FXYD6: variants seen among roughly 807,000 people sequenced by gnomAD.
FXYD6 encodes FXYD domain containing ion transport regulator 6.
Under a neutral mutation model 16.7 loss-of-function variants are expected in FXYD6, and 7 were observed. The observed-to-expected ratio is 0.42, with a 90% CI of 0.24 to 0.79. FXYD6 has a LOEUF of 0.79. Ranked by LOEUF, FXYD6 falls within the 30% of genes least tolerant of loss-of-function variation. The pLI is 0.28. For synonymous variants in FXYD6, 49 were observed against 43.0 expected, an observed-to-expected ratio of 1.14 and a Z score of -0.54; for missense variants, 111 against 116.2, an observed-to-expected ratio of 0.95 and a Z score of 0.21.
At chr11:117,838,391 G>T (rs186041256) in intron 7 of FXYD6, 114 bp from the exon 8 acceptor site, 6 of 687,602 alleles carry the variant, frequency 8.7e-6, no homozygotes, top group Non-Finnish European at 1.6e-5. Context: ...TGACAGCCTC[G>T]TCTGAGACGC....
At chr11:117,841,708 C>T in intron 4 of FXYD6, 83 bp downstream of exon 4, 1 of 1,533,526 alleles carries the variant, frequency 6.5e-7, no homozygotes. Context: ...AGGAGAGGGA[C>T]CAACCAGGCT....
chr11:117,841,444 T>C (rs2056341231), intron 4 of FXYD6: 3 of 591,834 alleles, frequency 5.1e-6, no homozygotes, highest in Non-Finnish European at 9.0e-6. Context: ...ATCAGGCTCA[T>C]GTGGGAACAA....
chr11:117,861,545 C>T (rs538837783), intron 1 of FXYD6, among the ~76,000 whole-genome samples: 57 of 152,342 alleles, frequency 3.7e-4, no homozygotes, highest in Middle Eastern at 3.4e-3. Flanking sequence ...TGAAAAGAGA[C>T]GGCCTGTGGA....
intron 1 of FXYD6, among the ~76,000 whole-genome samples, chr11:117,859,182 G>A (rs878898608): frequency 2.0e-5 from 3 of 152,144 alleles, no homozygotes; most frequent in Non-Finnish European, 4.4e-5. Context: ...CAAGACCCCC[G>A]CCCCAAGCCA....
chr11:117,868,484 A>G (rs2057058688), intron 1 of FXYD6, among the ~76,000 whole-genome samples: 1 of 152,136 alleles, frequency 6.6e-6, no homozygotes, highest in South Asian at 2.1e-4. Flanking sequence ...AATACACCTG[A>G]CCAGTGACCC....
At chr11:117,855,849 A>T (rs2056714309) in intron 1 of FXYD6, among the ~76,000 whole-genome samples, 1 of 150,758 alleles carries the variant, frequency 6.6e-6, no homozygotes, top group Admixed American at 6.6e-5. Context: ...GGAGTGGGGG[A>T]CTCCCTGGCT....
In FXYD6 at chr11:117,870,081, C is replaced by T. The variant is rs1334924924; in HGVS notation, c.-6+6511G>A. Reference sequence around the variant, plus strand: ...TGACAACCGTGACACTGTGGCATCCCAGCCATCACCCATGGACTTCTCACA... The same window carrying T: ...TGACAACCGTGACACTGTGGCATCCTAGCCATCACCCATGGACTTCTCACA... On this transcript the variant is annotated intron_variant, in intron 1 of 7. Coordinates refer to ENST00000526014, the MANE Select transcript of FXYD6 (RefSeq NM_022003.4). The surrounding 1 kb of genome is among the most constrained non-coding windows in gnomAD (Gnocchi z 4.2). 6.6e-6 allele frequency among the ~76,000 whole-genome samples: 1 copy of T among 152,240 alleles called. No individual in the cohort carries two copies. Among genetic ancestry groups the T allele is most frequent in the Admixed American group, 6.5e-5 (1 of 15,292 alleles).
intron 1 of FXYD6, among the ~76,000 whole-genome samples, chr11:117,860,618 G>A (rs1015357040): frequency 1.3e-5 from 2 of 152,220 alleles, no homozygotes; most frequent in Non-Finnish European, 2.9e-5. Flanking sequence ...TGATTAGGCC[G>A]AGGGTGAGAG....
chr11:117,857,410 A>ATT (rs66790457), intron 1 of FXYD6, among the ~76,000 whole-genome samples: 20,784 of 138,382 alleles, frequency 0.15, 1,882 homozygotes, highest in Middle Eastern at 0.27. Context: ...AAAGAAGTGG[A>ATT]TTTTTTTTTT....
At chr11:117,873,077 G>C (rs1307137413) in intron 1 of FXYD6, among the ~76,000 whole-genome samples, 1 of 152,124 alleles carries the variant, frequency 6.6e-6, no homozygotes, top group Non-Finnish European at 1.5e-5. Context: ...TGGTAGAAAA[G>C]GCCAGGTAGA....
intron 7 of FXYD6, 143 bp from the exon 8 acceptor site, chr11:117,838,420 C>A: frequency 3.0e-6 from 2 of 664,558 alleles, no homozygotes; most frequent in Admixed American, 2.1e-5. Context: ...GAGACAAAGA[C>A]ACAGGGGAGG....
chr11:117,842,363 G>C (rs528023265), intron 2 of FXYD6: 1 of 558,572 alleles, frequency 1.8e-6, no homozygotes, highest in African/African-American at 1.9e-5. Context: ...ACCAAGGAAG[G>C]ACATATGACT....
At chr11:117,860,189 G>A (rs533693451) in intron 1 of FXYD6, among the ~76,000 whole-genome samples, 1 of 152,200 alleles carries the variant, frequency 6.6e-6, no homozygotes, top group African/African-American at 2.4e-5. Context: ...TTCGATCCCA[G>A]AGCCAGCCCC....
chr11:117,840,321 T>C lies in FXYD6; in HGVS notation c.257A>G (p.Asn86Ser), dbSNP rs373937556. 8.7e-6 allele frequency: 14 copies of C among 1,614,118 alleles called. No homozygotes were observed. Among genetic ancestry groups the C allele is most frequent in the Non-Finnish European group, 1.1e-5 (13 of 1,180,006 alleles). The change falls in exon 6 of 8, where the codon AAT becomes AGT. Residue 86 changes from asparagine (N) to serine (S), a missense_variant and splice_region_variant. Transcript: ENST00000526014. ...EAQVENLITA[N>S]ATEPQKAEN is the part of the protein sequence containing the mutation. ...GGCAGGTGGTCACGGACAGTTACCA[T>C]TGGCGGTGATGAGGTTCTCCACCTG... is the stretch of plus-strand genomic sequence containing the variant.
At chr11:117,869,690 A>C (rs181079737) in intron 1 of FXYD6, among the ~76,000 whole-genome samples, 1 of 140,550 alleles carries the variant, frequency 7.1e-6, no homozygotes, top group Non-Finnish European at 1.6e-5. Flanking sequence ...AAGAAGAAGA[A>C]GAGAGAGAGA....
At chr11:117,863,122 T>C (rs2056944597) in intron 1 of FXYD6, among the ~76,000 whole-genome samples, 2 of 152,318 alleles carry the variant, frequency 1.3e-5, no homozygotes, top group Admixed American at 6.5e-5. Context: ...AGGCTTATGC[T>C]ATTGCCCAAG....
intron 1 of FXYD6, among the ~76,000 whole-genome samples, chr11:117,854,228 T>C (rs575852342): frequency 5.1e-4 from 77 of 152,210 alleles, no homozygotes; most frequent in Non-Finnish European, 6.2e-4. Context: ...GGTGTGAATA[T>C]TGGATGTGAG....
At chr11:117,862,119 G>A (rs2056919744) in intron 1 of FXYD6, among the ~76,000 whole-genome samples, 1 of 152,222 alleles carries the variant, frequency 6.6e-6, no homozygotes, top group Non-Finnish European at 1.5e-5. Context: ...GGAGAGGCAG[G>A]CAAAGGAAAG....
chr11:117,869,715 C>A (rs2057094513), intron 1 of FXYD6, among the ~76,000 whole-genome samples: 1 of 152,196 alleles, frequency 6.6e-6, no homozygotes, highest in African/African-American at 2.4e-5. Context: ...AAATAACTGA[C>A]TGTGAAAAGA....
Sources: allele counts gnomAD v4.1 joint callset (sites outside exome capture counted in the v4.1 genomes callset), GRCh38; gene constraint gnomAD v4.1.1; non-coding constraint Gnocchi (gnomAD v3.1); transcripts MANE v1.5; gene names NCBI Gene and HGNC (gene_info 2026-07-23, HGNC 2026-07-21).